The following DNAJC2 variants were observed in gnomAD, a reference collection of about 807,000 sequenced individuals.
DNAJC2 encodes DnaJ heat shock protein family (Hsp40) member C2.
A neutral mutation model predicts 94.0 loss-of-function variants in DNAJC2; 32 were observed. That is an observed-to-expected ratio of 0.34 (90% CI 0.26 to 0.46). DNAJC2 has a LOEUF of 0.46. DNAJC2 is among the 20% of genes least tolerant of loss of function. The pLI, the probability that DNAJC2 is intolerant of heterozygous loss-of-function variation, is 1.00. For synonymous variants in DNAJC2, 210 were observed against 229.7 expected, an observed-to-expected ratio of 0.91 and a Z score of 0.77; for missense variants, 550 against 719.5, an observed-to-expected ratio of 0.76 and a Z score of 2.69.
At chr7:103,328,069 C>T (rs1406344678) in intron 3 of DNAJC2, among the ~76,000 whole-genome samples, 3 of 151,822 alleles carry the variant, frequency 2.0e-5, no homozygotes, top group Non-Finnish European at 2.9e-5. Flanking sequence ...TACAGGTGCC[C>T]GCCACCATGC....
Position 103,324,507 on chromosome 7 carries a change from C to T in DNAJC2, c.628G>A (p.Asp210Asn), listed in dbSNP as rs1468840525. The T allele has an allele frequency of 2.0e-6, 3 of 1,496,264 alleles. No individual in the cohort carries two copies. The highest frequency in any genetic ancestry group is 1.8e-6 in the Non-Finnish European group (2 of 1,111,816). 92.7% of individuals were successfully genotyped at this position (1,496,264 alleles called of 1,614,324 possible). ...KLGDMNSSFE[D>N]VDIFYSFWYN... ...CAGAAAGAATAAAATATATCTACAT[C>T]TTCAAATGATGAATTCATATCACCA... Residue 210 changes from aspartate to asparagine, a missense_variant, in exon 6 of 17, where the codon GAT becomes AAT. Asp to Asn is a conservative substitution (Grantham distance 23). Around this residue, in one of 2 missense-constraint regions of DNAJC2, gnomAD observed 279 missense variants for 416.9 expected, o/e 0.67. Coordinates refer to ENST00000379263, the MANE Select transcript of DNAJC2 (RefSeq NM_014377.3).
intron 15 of DNAJC2, among the ~76,000 whole-genome samples, chr7:103,314,936 T>TA (rs1317961024): frequency 6.6e-6 from 1 of 152,170 alleles, no homozygotes; most frequent in Non-Finnish European, 1.5e-5. Context: ...TTTTTCCACA[T>TA]AAACTGCTTT....
At chr7:103,327,164 G>C (rs1486431426) in intron 4 of DNAJC2, among the ~76,000 whole-genome samples, 1 of 152,112 alleles carries the variant, frequency 6.6e-6, no homozygotes, top group Non-Finnish European at 1.5e-5. Flanking sequence ...GCTTAGTGAT[G>C]TGTATGTAAA....
At position 103,327,638 on chromosome 7, in the gene DNAJC2, T is replaced by C; in HGVS notation, c.430+18A>G. 1 of 1,501,114 alleles carries C rather than the reference T, an allele frequency of 6.7e-7. No homozygotes were observed. The highest frequency in any genetic ancestry group is 9.2e-7 in the Non-Finnish European group (1 of 1,083,644). The allele number at this position is 1,501,114 out of a possible 1,614,324, so 93.0% of individuals were successfully genotyped here. On this transcript the variant is annotated intron_variant, in intron 4 of 16. Transcript: ENST00000379263. ...ACAATTACTATTAGAAATTCCTGAC[T>C]CTAAAGCATTTTCTTACCTTTAGTT...
At chr7:103,316,753 T>C in intron 13 of DNAJC2, 77 bp downstream of exon 13, 5 of 1,179,974 alleles carry the variant, frequency 4.2e-6, no homozygotes, top group Non-Finnish European at 6.1e-6. Flanking sequence ...TGATAACAAG[T>C]GCTGCTATTT....
chr7:103,312,760 T>A, intron 16 of DNAJC2, 117 bp from the exon 17 acceptor site: 1 of 1,522,320 alleles, frequency 6.6e-7, no homozygotes, highest in Non-Finnish European at 8.7e-7. Flanking sequence ...ATATACTGAT[T>A]TCATTATCTG....
intron 4 of DNAJC2, chr7:103,327,436 T>C (rs541238429): frequency 3.7e-6 from 3 of 809,810 alleles, no homozygotes; most frequent in South Asian, 1.5e-5. Context: ...ACTGCATTTC[T>C]AATAAGCTGC....
At chr7:103,344,443 C>G in intron 1 of DNAJC2, 116 bp downstream of exon 1, 1 of 1,177,584 alleles carries the variant, frequency 8.5e-7, no homozygotes, top group Non-Finnish European at 1.3e-6. Context: ...CGGCCCCATA[C>G]GGCCCCGGGG....
chr7:103,333,870 C>T (rs1221771393), intron 3 of DNAJC2, among the ~76,000 whole-genome samples: 1 of 151,994 alleles, frequency 6.6e-6, no homozygotes, highest in Non-Finnish European at 1.5e-5. Context: ...AAATATATAG[C>T]AGTTTGCTTA....
chr7:103,323,080 T>C (rs1404043057), intron 7 of DNAJC2, among the ~76,000 whole-genome samples: 2 of 152,060 alleles, frequency 1.3e-5, no homozygotes, highest in African/African-American at 4.8e-5. Flanking sequence ...CAGGTGCCTG[T>C]CACCATGCCT....
rs200461394 is a variant in DNAJC2, at chr7:103,330,284, G to GTTATT, written c.332-2535_332-2531dup. Reference sequence around the variant, plus strand: ...TTTAGTGTACTATTAAATTGCATTTGTTATTTTATTTTTTTTTTTGAGACA... The same window carrying GTTATT: ...TTTAGTGTACTATTAAATTGCATTTGTTATTTTATTTTATTTTTTTTTTTGAGACA... On this transcript the variant is annotated intron_variant, in intron 3 of 16. Transcript: ENST00000379263. Among the ~76,000 whole-genome samples the GTTATT allele has an allele frequency of 3.7e-3, 567 of 151,904 alleles. 4 individuals are homozygous for GTTATT. Among genetic ancestry groups the GTTATT allele is most frequent in the African/African-American group, 0.013 (558 of 41,448 alleles).
chr7:103,325,201 T>C (rs536747884), intron 5 of DNAJC2, among the ~76,000 whole-genome samples: 7 of 152,190 alleles, frequency 4.6e-5, no homozygotes, highest in Non-Finnish European at 7.4e-5. Flanking sequence ...CCCAGCACTT[T>C]GGGAGGCCGA....
intron 12 of DNAJC2, 118 bp from the exon 13 acceptor site, chr7:103,317,132 T>TA: frequency 1.1e-6 from 1 of 911,812 alleles, no homozygotes; most frequent in Non-Finnish European, 1.6e-6. Context: ...TCTGACCCCA[T>TA]ACTCCTCTCA....
chr7:103,316,914 C>G lies in DNAJC2; in HGVS notation c.1343G>C (p.Gly448Ala). 6.2e-7 allele frequency: 1 copy of G among 1,613,984 alleles called. No homozygotes were observed. Among genetic ancestry groups the G allele is most frequent in the Non-Finnish European group, 8.5e-7 (1 of 1,179,922 alleles). The part of the protein sequence containing the change: ...KNTEKSTGGG[G>A]NGSKNWSEDD... ...TTCTGACCAATTTTTACTTCCATTT[C>G]CACCTCCACCAGTTGATTTCTCTGT... Residue 448 changes from glycine to alanine, a missense_variant, in exon 13 of 17, where the codon GGA (glycine) becomes GCA (alanine). Transcript: ENST00000379263.
rs766273921 is a variant in DNAJC2, at chr7:103,326,495, T to A, written c.572+48A>T. On this transcript the variant is annotated intron_variant, in intron 5 of 16. Transcript: ENST00000379263. ...AGAGCAGAAACCTGGAAGACTACAATAAACAAGCCAACAGGGCACTATGAT... is the reference window on the plus strand; with the variant it reads ...AGAGCAGAAACCTGGAAGACTACAAAAAACAAGCCAACAGGGCACTATGAT... 17 of 1,595,616 alleles carry A rather than the reference T, an allele frequency of 1.1e-5. No homozygotes were observed. The South Asian group carries it at 1.8e-4, about 17-fold the overall frequency.
chr7:103,313,720 TGTG>T lies in DNAJC2; in HGVS notation c.1637-622_1637-620del, dbSNP rs998883726. The T allele has an allele frequency of 1.2e-4, 123 of 985,394 alleles. No individual in the cohort carries two copies. The African/African-American group carries it at 2.0e-3, about 16-fold the overall frequency. 61.0% of individuals were successfully genotyped at this position (985,394 alleles called of 1,614,324 possible). ...GCTGAACACTTCCAATAACTGCTATTGTGGTTCTTCAACTAAACCTTGTATATT... is the reference window on the plus strand; with the variant it reads ...GCTGAACACTTCCAATAACTGCTATTGTTCTTCAACTAAACCTTGTATATT... On this transcript the variant is annotated intron_variant, in intron 15 of 16. Transcript: ENST00000379263.
chr7:103,341,700 C>G, intron 2 of DNAJC2, 64 bp downstream of exon 2: 1 of 1,315,742 alleles, frequency 7.6e-7, no homozygotes, highest in South Asian at 1.5e-5. Flanking sequence ...ATGGAAAACT[C>G]ATAAGAAAAT....
chr7:103,341,625 A>T (rs1294103660), intron 2 of DNAJC2, 139 bp downstream of exon 2: 1 of 653,416 alleles, frequency 1.5e-6, no homozygotes, highest in Non-Finnish European at 2.5e-6. Context: ...TGCTCTCAAG[A>T]CTTAGTAATA....
In DNAJC2 at chr7:103,312,944, A is replaced by G. The variant is rs754426111; in HGVS notation, c.1791+3T>C. 6.2e-7 allele frequency: 1 copy of G among 1,605,566 alleles called. No homozygotes were observed. The highest frequency in any genetic ancestry group is 8.5e-7 in the Non-Finnish European group (1 of 1,177,992). On this transcript the variant is annotated splice_donor_region_variant and intron_variant, in intron 16 of 16. Transcript: ENST00000379263. ...ACAATCTATAAACGCTTAAGTCTGC[A>G]ACCTTGTATCGTTTCATGCAGTCCT...
Sources: allele counts gnomAD v4.1 joint callset (sites outside exome capture counted in the v4.1 genomes callset), GRCh38; gene constraint gnomAD v4.1.1; regional missense constraint gnomAD v4.1.1; transcripts MANE v1.5; gene names NCBI Gene and HGNC (gene_info 2026-07-23, HGNC 2026-07-21).